ARVCF: variants seen among roughly 807,000 people sequenced by gnomAD.
ARVCF encodes splicing regulator ARVCF.
A neutral mutation model predicts 90.9 loss-of-function variants in ARVCF; 66 were observed. The ratio of observed to expected loss-of-function variants is 0.73; its 90% CI spans 0.60 to 0.89. ARVCF has a LOEUF of 0.89. ARVCF is among the 40% of genes least tolerant of loss of function. The pLI is 0.00. For missense variants in ARVCF, 1,469 were observed against 1,382.3 expected, an observed-to-expected ratio of 1.06 and a Z score of -1.00; for synonymous variants, 653 against 603.4, an observed-to-expected ratio of 1.08 and a Z score of -1.21.
chr22:19,985,406 A>T (rs1943712728), intron 3 of ARVCF, among the ~76,000 whole-genome samples: 1 of 152,150 alleles, frequency 6.6e-6, no homozygotes, highest in African/African-American at 2.4e-5. Flanking sequence ...GGCCAGAGTG[A>T]CCAGGGAGGT....
In ARVCF at chr22:19,983,499, T is replaced by G. The variant is rs542008433; in HGVS notation, c.211-1408A>C. 3.9e-5 allele frequency among the ~76,000 whole-genome samples: 6 copies of G among 152,268 alleles called. No individual in the cohort carries two copies. In the East Asian group the frequency reaches 7.7e-4, roughly 20 times the overall value. On this transcript the variant is annotated intron_variant, in intron 3 of 19. Transcript: ENST00000263207. ...GACCCCCAAATGCATGCAGTGCAGG[T>G]GTCCAGGAAGGGGCCTGCACCAACA...
intron 16 of ARVCF, 61 bp from the exon 17 acceptor site, chr22:19,972,472 A>G: frequency 8.7e-6 from 14 of 1,601,764 alleles, no homozygotes; most frequent in Non-Finnish European, 1.0e-5. Flanking sequence ...GGGGCAGAGA[A>G]GCCCACACAG....
At chr22:19,998,662 T>C (rs889193004) in intron 2 of ARVCF, among the ~76,000 whole-genome samples, 6 of 152,056 alleles carry the variant, frequency 3.9e-5, no homozygotes, top group Non-Finnish European at 8.8e-5. Context: ...TCTGCTTAGA[T>C]AAGTGGAAAA....
At chr22:19,967,633 C>G (rs933011231), downstream of ARVCF, 5 of 313,862 alleles carry the variant, frequency 1.6e-5, no homozygotes, top group African/African-American at 1.1e-4. Flanking sequence ...CATGTGGGGT[C>G]GGATACCAGT....
chr22:19,975,786 G>A (rs754877322), intron 10 of ARVCF, 29 bp from the exon 11 acceptor site: 2 of 1,610,778 alleles, frequency 1.2e-6, no homozygotes, highest in Non-Finnish European at 1.7e-6. Flanking sequence ...GGGAGGTGAG[G>A]CAGACCCCAT....
Position 20,009,220 on chromosome 22 carries a change from C to T in ARVCF, c.-19+1235G>A, listed in dbSNP as rs1019289745. On this transcript the variant is annotated intron_variant, in intron 2 of 19. Transcript: ENST00000263207. ...TCCCAACCCAGAAGACCCTGCATGG[C>T]CAAATGGCCTGAGCAGTGACATTCT... is the stretch of plus-strand genomic sequence containing the variant. Among the ~76,000 whole-genome samples the T allele has an allele frequency of 7.9e-5, 12 of 152,380 alleles. No homozygotes were observed. In the East Asian group the frequency reaches 1.7e-3, roughly 22 times the overall value.
downstream of ARVCF, chr22:19,968,454 T>G: frequency 7.2e-7 from 1 of 1,383,082 alleles, no homozygotes; most frequent in Non-Finnish European, 1.0e-6. Context: ...CGTGGCCTAG[T>G]GAGGAGCACC....
At chr22:19,998,815 C>A (rs1345068041) in intron 2 of ARVCF, among the ~76,000 whole-genome samples, 1 of 152,192 alleles carries the variant, frequency 6.6e-6, no homozygotes, top group South Asian at 2.1e-4. Context: ...AGTGGGAGGT[C>A]TGGCACCAGG....
chr22:20,012,298 GGTAGGAGCAGCCAGAGCT>G (rs1279881505), intron 1 of ARVCF, among the ~76,000 whole-genome samples: 11 of 152,240 alleles, frequency 7.2e-5, no homozygotes, highest in Admixed American at 6.5e-4. Flanking sequence ...GAGGCTGAGT[GGTAGGAGCAGCCAGAGCT>G]GTGGGTATCC....
intron 5 of ARVCF, chr22:19,980,856 G>A (rs1348784398): frequency 7.5e-6 from 2 of 267,140 alleles, no homozygotes; most frequent in Non-Finnish European, 1.4e-5. Context: ...CCCGGGCTGT[G>A]GTCACATCCC....
Position 19,970,137 on chromosome 22 carries a change from C to T in ARVCF, c.*619G>A. On this transcript the variant is annotated 3_prime_UTR_variant, in exon 20 of 20. Coordinates refer to ENST00000263207, the MANE Select transcript of ARVCF (RefSeq NM_001670.3). ...CCAGCATGGGCTGGAGAAAGGCTCTCTACTGCACAGGGGCCTCACGTGACT... is the reference window on the plus strand; with the variant it reads ...CCAGCATGGGCTGGAGAAAGGCTCTTTACTGCACAGGGGCCTCACGTGACT... 1.0e-6 allele frequency: 1 copy of T among 986,054 alleles called. No homozygotes were observed. The highest frequency in any genetic ancestry group is 1.2e-6 in the Non-Finnish European group (1 of 830,414). 61.1% of individuals were successfully genotyped at this position (986,054 alleles called of 1,614,324 possible).
intron 10 of ARVCF, among the ~76,000 whole-genome samples, chr22:19,976,090 G>C (rs535374632): frequency 6.6e-6 from 1 of 152,292 alleles, no homozygotes; most frequent in South Asian, 2.1e-4. Context: ...GCCCTGGCTG[G>C]ATGGTAGGTG....
intron 6 of ARVCF, 191 bp from the exon 7 acceptor site, chr22:19,979,271 G>A (rs768636961): frequency 4.0e-5 from 26 of 643,930 alleles, no homozygotes; most frequent in Non-Finnish European, 5.8e-5. Context: ...GAGCCCCAAA[G>A]GGGAGGAGGT....
chr22:20,006,102 G>C (rs902357924), intron 2 of ARVCF, among the ~76,000 whole-genome samples: 2 of 152,142 alleles, frequency 1.3e-5, no homozygotes, highest in Non-Finnish European at 2.9e-5. Flanking sequence ...CTTCAAGAAA[G>C]GGGCAAACGG....
chr22:20,001,630 C>T (rs886969642), intron 2 of ARVCF, among the ~76,000 whole-genome samples: 1 of 152,018 alleles, frequency 6.6e-6, no homozygotes, highest in Non-Finnish European at 1.5e-5. Flanking sequence ...ATGGAGAAAC[C>T]CCATCTCTAC....
chr22:19,995,967 C>T (rs1195346428), intron 2 of ARVCF, among the ~76,000 whole-genome samples: 1 of 152,232 alleles, frequency 6.6e-6, no homozygotes, highest in South Asian at 2.1e-4. Flanking sequence ...AGCACAGAGA[C>T]TTCCTCGTCC....
downstream of ARVCF, chr22:19,966,852 G>A (rs1437259653): frequency 1.3e-6 from 1 of 780,038 alleles, no homozygotes; most frequent in East Asian, 1.3e-4. Context: ...ACTCTTGAAG[G>A]GAGGAGAGTC....
chr22:19,968,564 T>C, downstream of ARVCF: 1 of 1,613,924 alleles, frequency 6.2e-7, no homozygotes, highest in Non-Finnish European at 8.5e-7. Flanking sequence ...AAGGGGACAG[T>C]GCTACTGGCT....
rs775580912 is a variant in ARVCF, at chr22:19,980,243, C to G, written c.897-1G>C. The G allele has an allele frequency of 1.3e-6, 2 of 1,517,766 alleles. No individual in the cohort carries two copies. Among genetic ancestry groups the G allele is most frequent in the Non-Finnish European group, 1.8e-6 (2 of 1,134,748 alleles). 94.0% of individuals were successfully genotyped at this position (1,517,766 alleles called of 1,614,324 possible). A position where few individuals can be genotyped will look rare whatever the true frequency, so the allele number is the denominator to read the frequency against. On this transcript the variant is annotated splice_acceptor_variant, in intron 5 of 19. Coordinates refer to ENST00000263207, the MANE Select transcript of ARVCF (RefSeq NM_001670.3). LOFTEE classifies it high-confidence loss of function. The stretch of plus-strand genomic sequence containing the variant: ...ATCATCTGCTGTGTCCTCGTAGGCC[C>G]TGCACAGGCAAGTGGGGCGCGTGGA...
Sources: allele counts gnomAD v4.1 joint callset (sites outside exome capture counted in the v4.1 genomes callset), GRCh38; gene constraint gnomAD v4.1.1; transcripts MANE v1.5; gene names NCBI Gene and HGNC (gene_info 2026-07-23, HGNC 2026-07-21).